Variants in APOBEC2 observed in about 807,000 individuals in gnomAD.
APOBEC2 encodes the protein apolipoprotein B mRNA editing enzyme catalytic subunit 2.
Under a neutral mutation model 19.4 loss-of-function variants are expected in APOBEC2, and 14 were observed. The observed-to-expected ratio is 0.72, with a 90% CI of 0.48 to 1.13. The LOEUF (loss-of-function observed/expected upper bound fraction) is 1.13, where lower values mean the gene tolerates loss of function less well. APOBEC2 is among the 50% of genes most tolerant of loss of function. APOBEC2 has a pLI of 0.00. For missense variants in APOBEC2, 304 were observed against 277.0 expected (o/e 1.10, Z -0.69); for synonymous variants, 127 against 112.1 (o/e 1.13, Z -0.84).
intron 1 of APOBEC2, among the ~76,000 whole-genome samples, chr6:41,057,225 G>C (rs1762808188): frequency 6.6e-6 from 1 of 152,192 alleles, no homozygotes; most frequent in Non-Finnish European, 1.5e-5. Flanking sequence ...AGAAGGGTGA[G>C]ATAAGGAGTG....
At chr6:41,057,633 T>A (rs959270116) in intron 1 of APOBEC2, among the ~76,000 whole-genome samples, 3 of 152,180 alleles carry the variant, frequency 2.0e-5, no homozygotes, top group Non-Finnish European at 2.9e-5. Context: ...TTCACGCCAG[T>A]CACCAACAGG....
chr6:41,053,251 G>C lies in APOBEC2; in HGVS notation c.-97G>C. The C allele has an allele frequency of 1.4e-6, 2 of 1,480,300 alleles. No homozygotes were observed. The highest frequency in any genetic ancestry group is 1.8e-6 in the Non-Finnish European group (2 of 1,109,510). 91.7% of individuals were successfully genotyped at this position (1,480,300 alleles called of 1,614,324 possible). Reference sequence around the variant, plus strand: ...TTCCCGTCATCCCCAGCCAGATTTAGCTGCTGACAGCTGCTTGGGACTCTG... The same window carrying C: ...TTCCCGTCATCCCCAGCCAGATTTACCTGCTGACAGCTGCTTGGGACTCTG... On this transcript the variant is annotated 5_prime_UTR_variant, in exon 1 of 3. Transcript: ENST00000244669.
At chr6:41,063,534 C>CTTTTTTTTTT (rs34638825) in intron 2 of APOBEC2, among the ~76,000 whole-genome samples, 9 of 85,366 alleles carry the variant, frequency 1.1e-4, no homozygotes, top group Admixed American at 1.6e-4. Flanking sequence ...GTCCTTAGAG[C>CTTTTTTTTTT]TTTTTTTTTT....
At chr6:41,053,973 T>C (rs1762763221) in intron 1 of APOBEC2, among the ~76,000 whole-genome samples, 1 of 152,226 alleles carries the variant, frequency 6.6e-6, no homozygotes, top group African/African-American at 2.4e-5. Flanking sequence ...ACAGGAAAGA[T>C]AGATCCATCC....
chr6:41,061,457 G>T lies in APOBEC2; in HGVS notation c.261G>T (p.Arg87=). The stretch of plus-strand genomic sequence containing the variant: ...AGGGGGGCCAAGTGCAGGCATCTCG[G>T]GGATACCTAGAGGATGAGCATGCGG... ...QGKGGQVQAS[R]GYLEDEHAAA... is the part of the protein sequence containing the mutation. Residue 87 remains arginine, a synonymous_variant, in exon 2 of 3, where the codon CGG becomes CGT. Coordinates refer to ENST00000244669, the MANE Select transcript of APOBEC2 (RefSeq NM_006789.4). The T allele has an allele frequency of 6.2e-7, 1 of 1,613,720 alleles. No individual in the cohort carries two copies. The highest frequency in any genetic ancestry group is 1.3e-5 in the African/African-American group (1 of 75,058).
At chr6:41,063,719 A>G (rs1313475871) in intron 2 of APOBEC2, among the ~76,000 whole-genome samples, 8 of 150,852 alleles carry the variant, frequency 5.3e-5, no homozygotes, top group Admixed American at 5.3e-4. Context: ...CAAAAGAACA[A>G]CCCTGCTTAA....
chr6:41,062,161 C>T (rs1256953114), intron 2 of APOBEC2, among the ~76,000 whole-genome samples: 1 of 152,186 alleles, frequency 6.6e-6, no homozygotes, highest in African/African-American at 2.4e-5. Context: ...TTTCATGAGG[C>T]AAGATGACGT....
intron 1 of APOBEC2, among the ~76,000 whole-genome samples, chr6:41,054,611 G>A (rs1762771950): frequency 1.3e-5 from 2 of 152,184 alleles, no homozygotes; most frequent in Admixed American, 1.3e-4. Context: ...AAGGGAAAAT[G>A]CATCCTATTT....
Position 41,061,784 on chromosome 6 carries a change from G to A in APOBEC2, c.588G>A (p.Glu196=), listed in dbSNP as rs768484237. 6 of 1,614,116 alleles carry A rather than the reference G, an allele frequency of 3.7e-6. No individual in the cohort carries two copies. In the East Asian group the frequency reaches 8.9e-5, roughly 24 times the overall value. ...YVWQNFVEQE[E]GESKAFQPWE... ...GGCAGAATTTTGTGGAGCAAGAAGA[G>A]GGTGAATCCAAGGCCTTTCAGCCCT... Residue 196 remains glutamate, a synonymous_variant, in exon 2 of 3, where the codon GAG becomes GAA. Transcript: ENST00000244669.
At chr6:41,053,534 T>C (rs1762757246) in intron 1 of APOBEC2, 56 bp downstream of exon 1, 2 of 1,598,614 alleles carry the variant, frequency 1.3e-6, no homozygotes, top group African/African-American at 1.3e-5. Flanking sequence ...AGCCTTGGGT[T>C]AGGCTGTGGA....
chr6:41,055,800 G>A (rs1382718229), intron 1 of APOBEC2, among the ~76,000 whole-genome samples: 1 of 152,226 alleles, frequency 6.6e-6, no homozygotes, highest in Non-Finnish European at 1.5e-5. Flanking sequence ...GCCTGCCGTA[G>A]CGTGCTGAAG....
Position 41,064,316 on chromosome 6 carries a change from G to GC in APOBEC2, c.*238dup, listed in dbSNP as rs1762926831. The GC allele has an allele frequency of 6.6e-6, 1 of 152,358 alleles. No homozygotes were observed. Among genetic ancestry groups the GC allele is most frequent in the Admixed American group, 6.5e-5 (1 of 15,276 alleles). 9.4% of individuals were successfully genotyped at this position (152,358 alleles called of 1,614,324 possible). ...CTCTCGGGAAGGACGAAAGTGACCT[G>GC]CAAGGAGAGAAATGCAACCATACAT... On this transcript the variant is annotated 3_prime_UTR_variant, in exon 3 of 3. Coordinates refer to ENST00000244669, the MANE Select transcript of APOBEC2 (RefSeq NM_006789.4).
intron 1 of APOBEC2, among the ~76,000 whole-genome samples, chr6:41,053,948 G>A (rs748209875): frequency 1.3e-5 from 2 of 152,222 alleles, no homozygotes; most frequent in Non-Finnish European, 2.9e-5. Context: ...TCTTCCTGGA[G>A]TAGATGCTCC....
intron 1 of APOBEC2, among the ~76,000 whole-genome samples, chr6:41,056,730 GTACTCAA>G (rs1762800544): frequency 6.6e-6 from 1 of 152,294 alleles, no homozygotes; most frequent in South Asian, 2.1e-4. Flanking sequence ...CTCCTGATAG[GTACTCAA>G]TACGTATTTG....
chr6:41,060,123 C>T (rs1279524310), intron 1 of APOBEC2, among the ~76,000 whole-genome samples: 1 of 152,048 alleles, frequency 6.6e-6, no homozygotes, highest in Admixed American at 6.6e-5. Flanking sequence ...TCTTCTCTGG[C>T]CCTTCTCTTT....
rs1030929046 is a variant in APOBEC2 at position 41,058,442 on chromosome 6, C to T, written c.132-2886C>T. ...ACACACACACTCACACACACACACA[C>T]CCCCACCCCTTTACCAGTAAAATAT... is the stretch of plus-strand genomic sequence containing the variant. On this transcript the variant is annotated intron_variant, in intron 1 of 2. Coordinates refer to ENST00000244669, the MANE Select transcript of APOBEC2 (RefSeq NM_006789.4). Among the ~76,000 whole-genome samples the T allele has an allele frequency of 5.3e-5, 8 of 152,004 alleles. 1 individual carries two copies. The highest frequency in any genetic ancestry group is 1.3e-4 in the Admixed American group (2 of 15,250).
chr6:41,059,473 C>T (rs1417278725), intron 1 of APOBEC2, among the ~76,000 whole-genome samples: 1 of 152,130 alleles, frequency 6.6e-6, no homozygotes, highest in East Asian at 1.9e-4. Flanking sequence ...GGGGAGCACT[C>T]ACTATAAGTG....
intron 1 of APOBEC2, among the ~76,000 whole-genome samples, chr6:41,053,773 T>C (rs2114024630): frequency 6.6e-6 from 1 of 152,320 alleles, no homozygotes; most frequent in Middle Eastern, 3.4e-3. Context: ...GATGGCCACC[T>C]GCCTCTCTGG....
intron 2 of APOBEC2, among the ~76,000 whole-genome samples, chr6:41,063,029 T>C (rs574758911): frequency 6.6e-6 from 1 of 152,340 alleles, no homozygotes; most frequent in African/African-American, 2.4e-5. Context: ...TAATTTACTT[T>C]TGGTCTCTCT....
Sources: allele counts gnomAD v4.1 joint callset (sites outside exome capture counted in the v4.1 genomes callset), GRCh38; gene constraint gnomAD v4.1.1; transcripts MANE v1.5; gene names NCBI Gene and HGNC (gene_info 2026-07-23, HGNC 2026-07-21).